ENOX1: variants seen among roughly 807,000 people sequenced by gnomAD.
ENOX1 encodes candidate growth-related and time keeping constitutive hydroquinone (NADH) oxidase.
Under a neutral mutation model 82.5 loss-of-function variants are expected in ENOX1, and 42 were observed. The ratio of observed to expected loss-of-function variants is 0.51; its 90% CI spans 0.40 to 0.66. ENOX1 has a LOEUF of 0.66. Among genes scored for constraint, ENOX1 ranks in the 30% least tolerant of loss-of-function variants. ENOX1 has a pLI of 0.00. For missense variants in ENOX1, 608 were observed against 811.6 expected, an observed-to-expected ratio of 0.75 and a Z score of 3.05; for synonymous variants, 271 against 282.2, an observed-to-expected ratio of 0.96 and a Z score of 0.40.
At chr13:43,564,737 T>A (rs1378318117) in intron 2 of ENOX1, among the ~76,000 whole-genome samples, 1 of 152,182 alleles carries the variant, frequency 6.6e-6, no homozygotes, top group Non-Finnish European at 1.5e-5. Flanking sequence ...AGAGTAGTAT[T>A]TCAAATGTGA....
At chr13:43,672,233 G>C (rs1265924586) in intron 1 of ENOX1, among the ~76,000 whole-genome samples, 3 of 152,128 alleles carry the variant, frequency 2.0e-5, no homozygotes, top group Non-Finnish European at 4.4e-5. Context: ...ACACTTCTAG[G>C]ATATATGTAT....
chr13:43,489,312 A>G (rs1272113573), intron 2 of ENOX1, among the ~76,000 whole-genome samples: 1 of 152,120 alleles, frequency 6.6e-6, no homozygotes, highest in African/African-American at 2.4e-5. Flanking sequence ...CTGTTACGGC[A>G]TTCCTCAGCC....
At chr13:43,615,032 G>A (rs760615364) in intron 2 of ENOX1, among the ~76,000 whole-genome samples, 6 of 152,150 alleles carry the variant, frequency 3.9e-5, no homozygotes, top group Non-Finnish European at 5.9e-5. Context: ...GTGGAATTTG[G>A]TGGGGGATGG....
Position 43,236,692 on chromosome 13 carries a change from T to C in ENOX1, c.1658A>G (p.Asn553Ser). Reference sequence around the variant, plus strand: ...GCCTTGGCTTCTTTTCTCAATATTGTTCTCTCGGTCTTGGTTGACTAATGC... The same window carrying C: ...GCCTTGGCTTCTTTTCTCAATATTGCTCTCTCGGTCTTGGTTGACTAATGC... Reference protein sequence around the residue: ...TVALVNQDRENNIEKRSQGLK... With the variant: ...TVALVNQDRESNIEKRSQGLK... Residue 553 changes from asparagine (N) to serine (S), a missense_variant, in exon 15 of 17, where the codon AAC becomes AGC. Asn to Ser is a conservative substitution (Grantham distance 46, BLOSUM62 1). Coordinates refer to ENST00000690772, the MANE Select transcript of ENOX1 (RefSeq NM_001347969.2). The C allele has an allele frequency of 6.3e-7, 1 of 1,589,562 alleles. No homozygotes were observed. The highest frequency in any genetic ancestry group is 8.5e-7 in the Non-Finnish European group (1 of 1,173,878).
chr13:43,687,160 T>TAAAAA (rs1407437801), intron 1 of ENOX1, among the ~76,000 whole-genome samples: 1 of 152,230 alleles, frequency 6.6e-6, no homozygotes, highest in African/African-American at 2.4e-5. Flanking sequence ...ACTAGTGTAA[T>TAAAAA]AACTCCTTTT....
chr13:43,414,095 T>C (rs2054302543), intron 3 of ENOX1, among the ~76,000 whole-genome samples: 1 of 152,222 alleles, frequency 6.6e-6, no homozygotes, highest in African/African-American at 2.4e-5. Context: ...TTTTATGGCA[T>C]GTCTTTTTGT....
At chr13:43,687,359 G>A (rs1283737450) in intron 1 of ENOX1, among the ~76,000 whole-genome samples, 2 of 152,148 alleles carry the variant, frequency 1.3e-5, no homozygotes, top group Non-Finnish European at 2.9e-5. Context: ...ACGGGGGAAT[G>A]GATCATGTCA....
At chr13:43,298,303 ATC>A in intron 12 of ENOX1, 41 bp downstream of exon 12, 1 of 1,507,636 alleles carries the variant, frequency 6.6e-7, no homozygotes, top group Non-Finnish European at 8.8e-7. Flanking sequence ...TAATACACAT[ATC>A]TCTTTCTCTC....
At chr13:43,459,754 G>A (rs1402727249) in intron 3 of ENOX1, among the ~76,000 whole-genome samples, 1 of 152,198 alleles carries the variant, frequency 6.6e-6, no homozygotes, top group Non-Finnish European at 1.5e-5. Context: ...AGCACTTTGG[G>A]AGGCTGAGAC....
intron 10 of ENOX1, 78 bp from the exon 11 acceptor site, chr13:43,322,579 T>G: frequency 8.8e-7 from 1 of 1,131,954 alleles, no homozygotes; most frequent in Middle Eastern, 2.0e-4. Flanking sequence ...TATATATGAC[T>G]GGCATATTAA....
intron 3 of ENOX1, among the ~76,000 whole-genome samples, chr13:43,414,182 C>A (rs1382779422): frequency 2.6e-5 from 4 of 152,120 alleles, no homozygotes; most frequent in Admixed American, 2.6e-4. Flanking sequence ...ATCAGTTGAG[C>A]AGAAGTTTAA....
intron 3 of ENOX1, among the ~76,000 whole-genome samples, chr13:43,479,333 A>C (rs1324470796): frequency 1.9e-5 from 1 of 53,950 alleles, no homozygotes; most frequent in Non-Finnish European, 5.9e-5. Context: ...TGAAAAAAAC[A>C]ACTACTACTT....
At position 43,614,890 on chromosome 13, in the gene ENOX1, C is replaced by T. The variant is rs564013019; in HGVS notation, c.-219+52589G>A. On this transcript the variant is annotated intron_variant, in intron 2 of 16. Coordinates refer to ENST00000690772, the MANE Select transcript of ENOX1 (RefSeq NM_001347969.2). ...ATCATGTGAGAACTTGCTAAGTATGCAGAACCTTAGACCCCACCCCAGAAC... is the reference window on the plus strand; with the variant it reads ...ATCATGTGAGAACTTGCTAAGTATGTAGAACCTTAGACCCCACCCCAGAAC... Among the ~76,000 whole-genome samples, 26 of 152,266 alleles carry T rather than the reference C, an allele frequency of 1.7e-4. 1 individual carries two copies. The South Asian group carries it at 3.5e-3, about 21-fold the overall frequency.
intron 2 of ENOX1, among the ~76,000 whole-genome samples, chr13:43,603,262 A>C (rs2081809804): frequency 6.6e-6 from 1 of 152,072 alleles, no homozygotes; most frequent in Non-Finnish European, 1.5e-5. Context: ...CCCATAAGTT[A>C]TAATATGTCA....
intron 1 of ENOX1, among the ~76,000 whole-genome samples, chr13:43,754,075 A>AATACACATATATATACATATATACGTAT (rs1950485529): frequency 6.7e-6 from 1 of 148,584 alleles, no homozygotes; most frequent in African/African-American, 2.5e-5. Flanking sequence ...TACGTATATA[A>AATACACATATATATACATATATACGTAT]ATACACATAT....
At chr13:43,372,216 A>G (rs2051289571) in intron 5 of ENOX1, among the ~76,000 whole-genome samples, 1 of 152,232 alleles carries the variant, frequency 6.6e-6, no homozygotes, top group African/African-American at 2.4e-5. Flanking sequence ...AGTAAGAGCC[A>G]TGAGGGTTCT....
At chr13:43,296,281 T>C (rs1250897947) in intron 12 of ENOX1, among the ~76,000 whole-genome samples, 4 of 152,180 alleles carry the variant, frequency 2.6e-5, no homozygotes, top group African/African-American at 9.7e-5. Flanking sequence ...AGTGGACCCC[T>C]AATCCTACAT....
At chr13:43,276,319 TA>T (rs1038245369) in intron 12 of ENOX1, among the ~76,000 whole-genome samples, 2 of 152,158 alleles carry the variant, frequency 1.3e-5, no homozygotes, top group South Asian at 2.1e-4. Flanking sequence ...CCTGCCTCTG[TA>T]ACCCTGTTGC....
chr13:43,408,710 G>T (rs182742149), intron 5 of ENOX1, among the ~76,000 whole-genome samples: 2 of 152,220 alleles, frequency 1.3e-5, no homozygotes, highest in Admixed American at 1.3e-4. Flanking sequence ...CATAAGAACT[G>T]AAACAATGTG....
Sources: allele counts gnomAD v4.1 joint callset (sites outside exome capture counted in the v4.1 genomes callset), GRCh38; gene constraint gnomAD v4.1.1; transcripts MANE v1.5; gene names NCBI Gene and HGNC (gene_info 2026-07-23, HGNC 2026-07-21).